The following GFOD2 variants were observed in gnomAD, a reference collection of about 807,000 sequenced individuals.
GFOD2 encodes Gfo/Idh/MocA-like oxidoreductase domain containing 2, also known as glucose-fructose oxidoreductase domain-containing protein 2.
In GFOD2, 9 loss-of-function variants were observed where a neutral mutation model predicts 24.6. The ratio of observed to expected loss-of-function variants is 0.37; its 90% CI spans 0.22 to 0.64. The LOEUF is 0.64. Among genes scored for constraint, GFOD2 ranks in the 30% least tolerant of loss-of-function variants. GFOD2 has a pLI of 0.65. For missense variants in GFOD2, 476 were observed against 532.5 expected (o/e 0.89, Z 1.04); for synonymous variants, 211 against 224.8 (o/e 0.94, Z 0.55).
chr16:67,709,918 G>C (rs760670052), intron 1 of GFOD2, among the ~76,000 whole-genome samples: 15 of 151,060 alleles, frequency 9.9e-5, no homozygotes, highest in Non-Finnish European at 2.2e-4. Context: ...GTGAGCCACC[G>C]TGCCCAGCCA....
chr16:67,685,147 GCTCTGAC>G, intron 2 of GFOD2: 1 of 1,371,090 alleles, frequency 7.3e-7, no homozygotes, highest in Non-Finnish European at 9.4e-7. Context: ...GCCACCCAGG[GCTCTGAC>G]CTCTAACTTC....
chr16:67,710,168 C>T (rs1351301695), intron 1 of GFOD2, among the ~76,000 whole-genome samples: 13 of 152,094 alleles, frequency 8.5e-5, no homozygotes, highest in Non-Finnish European at 1.5e-5. Context: ...CTCTGTTGGT[C>T]AGGCCGGAGT....
At chr16:67,685,214 G>A in intron 2 of GFOD2, 1 of 1,418,332 alleles carries the variant, frequency 7.1e-7, no homozygotes, top group African/African-American at 1.4e-5. Context: ...CCAGCCCCTT[G>A]ATGGCTGTCT....
intron 2 of GFOD2, chr16:67,681,145 G>A: frequency 5.1e-6 from 5 of 985,446 alleles, no homozygotes; most frequent in Non-Finnish European, 6.0e-6. Context: ...ACATATGGCT[G>A]ACCAGGGAGG....
Position 67,675,003 on chromosome 16 carries a change from TG to T in GFOD2, c.*151del. 1 of 829,510 alleles carries T rather than the reference TG, an allele frequency of 1.2e-6. No individual in the cohort carries two copies. The highest frequency in any genetic ancestry group is 1.9e-6 in the Non-Finnish European group (1 of 528,146). 51.4% of individuals were successfully genotyped at this position (829,510 alleles called of 1,614,324 possible). On this transcript the variant is annotated 3_prime_UTR_variant, in exon 3 of 3. Coordinates refer to ENST00000268797, the MANE Select transcript of GFOD2 (RefSeq NM_030819.4). ...CAAGTCTGAGGAGCAGATGAGCCAC[TG>T]GAGGGGGCGAAGTCCCAGAGCCACC...
chr16:67,689,728 C>T (rs1253448258), intron 1 of GFOD2, among the ~76,000 whole-genome samples: 1 of 151,992 alleles, frequency 6.6e-6, no homozygotes, highest in Non-Finnish European at 1.5e-5. Flanking sequence ...GTTGTGTAAC[C>T]ATCACCACCA....
intron 1 of GFOD2, among the ~76,000 whole-genome samples, chr16:67,699,355 CA>C (rs1368013480): frequency 6.6e-6 from 1 of 151,320 alleles, no homozygotes; most frequent in East Asian, 1.9e-4. Flanking sequence ...AAAAACAAAA[CA>C]AAACAAAAAT....
rs1243838592 is a variant in GFOD2, at chr16:67,674,960, G to A, written c.*195C>T. On this transcript the variant is annotated 3_prime_UTR_variant, in exon 3 of 3. Transcript: ENST00000268797. ...TGCACACCGTGGTAACCTGGCAACAGGAACATTTGCCACCCTGCAAGTCTG... is the reference window on the plus strand; with the variant it reads ...TGCACACCGTGGTAACCTGGCAACAAGAACATTTGCCACCCTGCAAGTCTG... 1.6e-6 allele frequency: 1 copy of A among 634,446 alleles called. No individual in the cohort carries two copies. Among genetic ancestry groups the A allele is most frequent in the Non-Finnish European group, 2.7e-6 (1 of 369,328 alleles). The allele number at this position is 634,446 out of a possible 1,614,324, so 39.3% of individuals were successfully genotyped here. A position where few individuals can be genotyped will look rare whatever the true frequency, so the allele number is the denominator to read the frequency against.
At chr16:67,676,111 C>T (rs1478044546) in intron 2 of GFOD2, 58 bp from the exon 3 acceptor site, 18 of 1,486,372 alleles carry the variant, frequency 1.2e-5, no homozygotes, top group Non-Finnish European at 1.4e-5. Context: ...TCCAGCATGT[C>T]CGCCTGCCCT....
Position 67,682,344 on chromosome 16 carries a change from T to TA in GFOD2, c.259+3112dup, listed in dbSNP as rs1292722970. The TA allele has an allele frequency of 1.1e-5, 11 of 985,130 alleles. 1 individual carries two copies. In the Admixed American group the frequency reaches 1.8e-4, roughly 17 times the overall value. 61.0% of individuals were successfully genotyped at this position (985,130 alleles called of 1,614,324 possible). A position where few individuals can be genotyped will look rare whatever the true frequency, so the allele number is the denominator to read the frequency against. The stretch of plus-strand genomic sequence containing the variant: ...AGCCACCAAGCCTGGCCTGCAAACT[T>TA]AGTGTTTTTCTAATGAACCACAGAA... On this transcript the variant is annotated intron_variant, in intron 2 of 2. Coordinates refer to ENST00000268797, the MANE Select transcript of GFOD2 (RefSeq NM_030819.4).
At chr16:67,687,630 G>T (rs1243616942) in intron 1 of GFOD2, among the ~76,000 whole-genome samples, 1 of 113,970 alleles carries the variant, frequency 8.8e-6, no homozygotes, top group African/African-American at 3.6e-5. Context: ...GACAGAGCAA[G>T]ACTCCGTCTC....
intron 2 of GFOD2, chr16:67,682,878 C>T (rs1369154778): frequency 1.0e-6 from 1 of 965,484 alleles, no homozygotes; most frequent in African/African-American, 1.8e-5. Flanking sequence ...TTCATGTCCA[C>T]CAGAGTCACC....
intron 1 of GFOD2, among the ~76,000 whole-genome samples, chr16:67,694,382 C>T (rs145025561): frequency 6.6e-6 from 1 of 152,166 alleles, no homozygotes; most frequent in Non-Finnish European, 1.5e-5. Flanking sequence ...TGGCCTCAAG[C>T]GATTCTCTCA....
chr16:67,705,418 C>T (rs1026942558), intron 1 of GFOD2, among the ~76,000 whole-genome samples: 14 of 152,094 alleles, frequency 9.2e-5, no homozygotes, highest in Middle Eastern at 3.2e-3. Context: ...AAGTTGGCCA[C>T]GCTGGTCTTG....
intron 2 of GFOD2, chr16:67,682,391 AG>A (rs1390130398): frequency 1.0e-6 from 1 of 985,300 alleles, no homozygotes; most frequent in African/African-American, 1.7e-5. Context: ...TGGGCACAGA[AG>A]CCCACCTTTT....
At chr16:67,682,702 C>T in intron 2 of GFOD2, 1 of 985,130 alleles carries the variant, frequency 1.0e-6, no homozygotes, top group Non-Finnish European at 1.2e-6. Flanking sequence ...ATAATGAGGG[C>T]AAGAAATGAT....
chr16:67,675,447 G>A lies in GFOD2; in HGVS notation c.866C>T (p.Ala289Val), dbSNP rs755864907. The A allele has an allele frequency of 1.9e-6, 3 of 1,612,430 alleles. No individual in the cohort carries two copies. The highest frequency in any genetic ancestry group is 8.5e-7 in the Non-Finnish European group (1 of 1,180,028). ...CTGGGGCCCCTGCTCAGGCAGTCCT[G>A]CGCCCACTGCCAGCGAGTCCCTCAA... Reference protein sequence around the residue: ...LLLRDSLAVGAGLPEQGPQDV... With the variant: ...LLLRDSLAVGVGLPEQGPQDV... The change falls in exon 3 of 3, where the codon GCA (alanine) becomes GTA (valine). Residue 289 changes from alanine to valine, a missense_variant. Ala to Val is a moderately conservative substitution (Grantham distance 64). Coordinates refer to ENST00000268797, the MANE Select transcript of GFOD2 (RefSeq NM_030819.4).
chr16:67,688,643 G>A (rs1312747011), intron 1 of GFOD2, among the ~76,000 whole-genome samples: 3 of 151,870 alleles, frequency 2.0e-5, no homozygotes, highest in Admixed American at 1.3e-4. Flanking sequence ...ACAGACAAGA[G>A]TGATGTGGGC....
intron 2 of GFOD2, chr16:67,682,071 T>G (rs1397333340): frequency 1.6e-5 from 3 of 193,270 alleles, no homozygotes; most frequent in Non-Finnish European, 2.8e-5. Flanking sequence ...GGAGTCTCGC[T>G]CTGTCACCCA....
Sources: allele counts gnomAD v4.1 joint callset (sites outside exome capture counted in the v4.1 genomes callset), GRCh38; gene constraint gnomAD v4.1.1; transcripts MANE v1.5; gene names NCBI Gene and HGNC (gene_info 2026-07-23, HGNC 2026-07-21).